Variants in PTPRK observed in about 807,000 individuals in gnomAD.
PTPRK encodes receptor-type tyrosine-protein phosphatase kappa.
Under a neutral mutation model 178.0 loss-of-function variants are expected in PTPRK, and 75 were observed. That is an observed-to-expected ratio of 0.42 (90% confidence interval 0.35 to 0.51). The LOEUF (loss-of-function observed/expected upper bound fraction) is 0.51. PTPRK is among the 20% of genes least tolerant of loss of function. PTPRK has a pLI of 0.02. For missense variants in PTPRK, 1,441 were observed against 1,797.8 expected (o/e 0.80, Z 3.59); for synonymous variants, 637 against 620.6 (o/e 1.03, Z -0.39).
At chr6:128,177,652 T>C (rs1801273906) in intron 7 of PTPRK, among the ~76,000 whole-genome samples, 1 of 151,770 alleles carries the variant, frequency 6.6e-6, no homozygotes, top group Non-Finnish European at 1.5e-5. Flanking sequence ...AAATGTGCCT[T>C]GAATTGGGAT....
At chr6:128,412,874 A>C (rs1337254769) in intron 1 of PTPRK, among the ~76,000 whole-genome samples, 1 of 152,076 alleles carries the variant, frequency 6.6e-6, no homozygotes, top group East Asian at 1.9e-4. Flanking sequence ...CACGAGCGGG[A>C]GGGAGGCATG....
Position 127,987,192 on chromosome 6 carries a change from AT to A in PTPRK, c.3097-1318del, listed in dbSNP as rs566583852. 6.9e-3 allele frequency among the ~76,000 whole-genome samples: 1,003 copies of A among 145,924 alleles called. 8 individuals carry two copies. Among genetic ancestry groups the A allele is most frequent in the Non-Finnish European group, 0.01 (662 of 66,154 alleles). ...TTCATATGTCAGCACCTATTCCCTG[AT>A]TTTTTTTTTAATTTTTCTGAATGAT... On this transcript the variant is annotated intron_variant, in intron 21 of 29. Coordinates refer to ENST00000368226, the MANE Select transcript of PTPRK (RefSeq NM_002844.4).
intron 1 of PTPRK, 31 bp downstream of exon 1, chr6:128,520,228 C>A (rs1279065525): frequency 2.6e-6 from 4 of 1,547,852 alleles, no homozygotes; most frequent in Non-Finnish European, 3.5e-6. Context: ...GGACTCCAGG[C>A]GTTCGTCGGG....
At chr6:128,072,349 A>G (rs1782977546) in intron 11 of PTPRK, among the ~76,000 whole-genome samples, 1 of 152,012 alleles carries the variant, frequency 6.6e-6, no homozygotes, top group African/African-American at 2.4e-5. Context: ...AATATTGTAA[A>G]TTGAAATGAA....
chr6:128,485,781 G>C (rs762968067), intron 1 of PTPRK, among the ~76,000 whole-genome samples: 3 of 152,164 alleles, frequency 2.0e-5, no homozygotes, highest in Non-Finnish European at 4.4e-5. Flanking sequence ...TGGAGCTTCT[G>C]CTGGAAATAT....
At position 128,519,827 on chromosome 6, in the gene PTPRK, G is replaced by A. The variant is rs1263792746; in HGVS notation, c.100+432C>T. Reference sequence around the variant, plus strand: ...CACCTGGCAAAGCGCGCCGAGGTCAGTCCCTTCGAATCTCCACATTTCTGA... The same window carrying A: ...CACCTGGCAAAGCGCGCCGAGGTCAATCCCTTCGAATCTCCACATTTCTGA... On this transcript the variant is annotated intron_variant, in intron 1 of 29. Coordinates refer to ENST00000368226, the MANE Select transcript of PTPRK (RefSeq NM_002844.4). This position sits in a 1 kb window ranked among gnomAD's most constrained non-coding sequence, Gnocchi z 4.3. Among the ~76,000 whole-genome samples the A allele has an allele frequency of 1.3e-5, 2 of 152,236 alleles. No individual in the cohort carries two copies. Among genetic ancestry groups the A allele is most frequent in the Non-Finnish European group, 2.9e-5 (2 of 68,040 alleles).
At chr6:128,508,575 T>C (rs913000450) in intron 1 of PTPRK, among the ~76,000 whole-genome samples, 2 of 152,188 alleles carry the variant, frequency 1.3e-5, no homozygotes, top group Non-Finnish European at 2.9e-5. Flanking sequence ...ACAAATACAG[T>C]AGGACCCCCT....
intron 2 of PTPRK, among the ~76,000 whole-genome samples, chr6:128,371,906 G>A (rs1003529551): frequency 1.3e-5 from 2 of 150,722 alleles, no homozygotes; most frequent in African/African-American, 4.9e-5. Flanking sequence ...AGAGAGAGAA[G>A]CCATTCCAGA....
At chr6:128,348,250 A>G (rs539480609) in intron 2 of PTPRK, among the ~76,000 whole-genome samples, 6 of 152,022 alleles carry the variant, frequency 3.9e-5, no homozygotes, top group Non-Finnish European at 8.8e-5. Flanking sequence ...CAATATTAAG[A>G]AACAAATCTG....
In PTPRK at chr6:127,976,908, T is replaced by C. The variant is rs1774671483; in HGVS notation, c.3843+15A>G. The stretch of plus-strand genomic sequence containing the variant: ...GTTGTATATAAGTACATAAAAGCAA[T>C]CCATAGCCATTAACCTGGGACAAGT... On this transcript the variant is annotated intron_variant, in intron 26 of 29. Coordinates refer to ENST00000368226, the MANE Select transcript of PTPRK (RefSeq NM_002844.4). The C allele has an allele frequency of 1.9e-6, 3 of 1,613,660 alleles. No homozygotes were observed. In the African/African-American group the frequency reaches 4.0e-5, roughly 22 times the overall value.
At chr6:128,318,962 G>A (rs968222235) in intron 3 of PTPRK, among the ~76,000 whole-genome samples, 4 of 152,108 alleles carry the variant, frequency 2.6e-5, no homozygotes, top group African/African-American at 9.7e-5. Flanking sequence ...AATGTAATAC[G>A]ATAATTTCTA....
intron 7 of PTPRK, among the ~76,000 whole-genome samples, chr6:128,123,645 A>G (rs902771760): frequency 6.6e-6 from 1 of 152,110 alleles, no homozygotes; most frequent in African/African-American, 2.4e-5. Context: ...ACTTATTTAG[A>G]TTTACTTAGT....
At chr6:128,387,192 A>G (rs1473123416) in intron 2 of PTPRK, among the ~76,000 whole-genome samples, 1 of 152,136 alleles carries the variant, frequency 6.6e-6, no homozygotes, top group Non-Finnish European at 1.5e-5. Context: ...AATGTTCAAA[A>G]CTTGGGACCC....
intron 3 of PTPRK, among the ~76,000 whole-genome samples, chr6:128,311,634 C>A (rs1247302091): frequency 6.6e-6 from 1 of 151,964 alleles, no homozygotes; most frequent in African/African-American, 2.4e-5. Context: ...TTACTCCTGC[C>A]TTTACACACC....
At chr6:128,501,557 G>C (rs927437017) in intron 1 of PTPRK, among the ~76,000 whole-genome samples, 3 of 152,192 alleles carry the variant, frequency 2.0e-5, no homozygotes, top group African/African-American at 7.2e-5. Context: ...GCCTAACAAA[G>C]GCATGTGGAG....
intron 2 of PTPRK, among the ~76,000 whole-genome samples, chr6:128,355,467 G>A (rs1388217583): frequency 1.3e-5 from 2 of 152,030 alleles, no homozygotes; most frequent in African/African-American, 4.8e-5. Context: ...TATTTGTAGA[G>A]GGCCTATTGT....
chr6:127,988,300 CT>C (rs374249275), intron 21 of PTPRK, among the ~76,000 whole-genome samples: 2,051 of 117,632 alleles, frequency 0.017, 24 homozygotes, highest in African/African-American at 0.061. Flanking sequence ...TTATGCTAAC[CT>C]TTTTTTTTTT....
rs939332947 is a variant in PTPRK, at chr6:128,462,269, A to G, written c.100+57990T>C. Among the ~76,000 whole-genome samples, 10 of 152,360 alleles carry G rather than the reference A, an allele frequency of 6.6e-5. No individual in the cohort carries two copies. The South Asian group carries it at 1.9e-3, about 28-fold the overall frequency. On this transcript the variant is annotated intron_variant, in intron 1 of 29. Transcript: ENST00000368226. ...AGCAGCATTCTCCAATAAAAATATA[A>G]TTAAATCTACATACATAATTTTAAA...
At chr6:128,261,649 A>G (rs1322113366) in intron 3 of PTPRK, among the ~76,000 whole-genome samples, 3 of 152,186 alleles carry the variant, frequency 2.0e-5, no homozygotes, top group African/African-American at 7.2e-5. Context: ...CTAACCAGCC[A>G]CCTGCAGGCA....
Sources: gnomAD v4.1 joint callset for allele counts (sites outside exome capture counted in the v4.1 genomes callset) on GRCh38, gnomAD v4.1.1 for gene constraint, Gnocchi (gnomAD v3.1) non-coding constraint, MANE v1.5 for transcripts, NCBI Gene and HGNC (gene_info 2026-07-23, HGNC 2026-07-21) for gene names.